The following ESS2 variants were observed in gnomAD, a reference collection of about 807,000 sequenced individuals.
ESS2 encodes the protein splicing factor ESS-2 homolog.
Under a neutral mutation model 52.0 loss-of-function variants are expected in ESS2, and 31 were observed. The observed-to-expected ratio is 0.60, with a 90% CI of 0.45 to 0.81. The LOEUF is 0.81. ESS2 is among the 30% of genes least tolerant of loss of function. ESS2 has a pLI of 0.00. For missense variants in ESS2, 602 were observed against 637.2 expected, an observed-to-expected ratio of 0.94 and a Z score of 0.59; for synonymous variants, 285 against 259.2, an observed-to-expected ratio of 1.10 and a Z score of -0.95.
chr22:19,134,973 C>T (rs2083556455), intron 9 of ESS2, 87 bp downstream of exon 9: 1 of 1,299,152 alleles, frequency 7.7e-7, no homozygotes, highest in African/African-American at 1.4e-5. Flanking sequence ...CCGCGTGGGC[C>T]ATGCCTCCAC....
At position 19,142,855 on chromosome 22, in the gene ESS2, C is replaced by T; in HGVS notation, c.175G>A (p.Val59Met). 2 of 1,614,064 alleles carry T rather than the reference C, an allele frequency of 1.2e-6. No homozygotes were observed. Among genetic ancestry groups the T allele is most frequent in the South Asian group, 2.2e-5 (2 of 91,078 alleles). The change falls in exon 2 of 10, where the codon GTG (valine) becomes ATG (methionine). Residue 59 changes from valine (V) to methionine (M), a missense_variant. Transcript: ENST00000252137. Reference protein sequence around the residue: ...TVIQRDFFPDVEKLQAQKEYL... With the variant: ...TVIQRDFFPDMEKLQAQKEYL... ...TCCTTCTGTGCCTGGAGCTTCTCCACATCAGGAAAGAAATCCCTTTGGATG... is the reference window on the plus strand; with the variant it reads ...TCCTTCTGTGCCTGGAGCTTCTCCATATCAGGAAAGAAATCCCTTTGGATG...
chr22:19,132,675 C>A lies in ESS2; in HGVS notation c.*1521G>T. The A allele has an allele frequency of 1.6e-6, 1 of 606,840 alleles. No individual in the cohort carries two copies. Among genetic ancestry groups the A allele is most frequent in the Non-Finnish European group, 2.9e-6 (1 of 344,612 alleles). 37.6% of individuals were successfully genotyped at this position (606,840 alleles called of 1,614,324 possible). On this transcript the variant is annotated 3_prime_UTR_variant, in exon 10 of 10. Transcript: ENST00000252137. The surrounding 1 kb of genome is among the most constrained non-coding windows in gnomAD (Gnocchi z 4.2). ...AGCAAAGACGTTCCTTACTGACCACCAAATAAACCACAGGGTGTGTGCAAG... is the reference window on the plus strand; with the variant it reads ...AGCAAAGACGTTCCTTACTGACCACAAAATAAACCACAGGGTGTGTGCAAG...
intron 8 of ESS2, among the ~76,000 whole-genome samples, chr22:19,135,708 T>G (rs1354649318): frequency 6.6e-6 from 1 of 152,222 alleles, no homozygotes; most frequent in Non-Finnish European, 1.5e-5. Flanking sequence ...TTTGCTTTTA[T>G]GTTTAGAAAG....
rs62223875 is a variant in ESS2 at position 19,139,890 on chromosome 22, C to T, written c.535G>A (p.Ala179Thr). 869 of 1,614,056 alleles carry T rather than the reference C, an allele frequency of 5.4e-4. 1 individual carries two copies. Among genetic ancestry groups the T allele is most frequent in the Non-Finnish European group, 6.8e-4 (806 of 1,180,028 alleles). The change falls in exon 4 of 10, where the codon GCT becomes ACT. Residue 179 changes from alanine to threonine, a missense_variant. Transcript: ENST00000252137. ...VAKERSRARHAWLYQAEEEFE... is the reference protein window; with the variant it reads ...VAKERSRARHTWLYQAEEEFE... Reference sequence around the variant, plus strand: ...TCTTCCTCAGCCTGGTAGAGCCAAGCGTGGCGTGCCCGGCTTCTCTCCTTG... The same window carrying T: ...TCTTCCTCAGCCTGGTAGAGCCAAGTGTGGCGTGCCCGGCTTCTCTCCTTG...
intron 2 of ESS2, 44 bp from the exon 3 acceptor site, chr22:19,142,677 G>A (rs369566975): frequency 1.4e-4 from 225 of 1,609,380 alleles, no homozygotes; most frequent in Admixed American, 6.7e-5. Flanking sequence ...AGCCTGAAGC[G>A]ACAGTTCAGC....
Position 19,144,573 on chromosome 22 carries a change from C to G in ESS2, c.68G>C (p.Arg23Pro). 6.2e-7 allele frequency: 1 copy of G among 1,606,414 alleles called. No homozygotes were observed. The highest frequency in any genetic ancestry group is 8.5e-7 in the Non-Finnish European group (1 of 1,175,962). The change falls in exon 1 of 10, where the codon CGC becomes CCC. Residue 23 changes from arginine (R) to proline (P), a missense_variant. Arg to Pro is a moderately radical substitution (Grantham distance 103). Coordinates refer to ENST00000252137, the MANE Select transcript of ESS2 (RefSeq NM_022719.3). ...CGCAGCCCCAGCCTCTCCCGCCTCG[C>G]GCTTCCTCGGGGGCCTGGACGCGGC... ...LPAASRPPRK[R>P]EAGEAGAATS...
At chr22:19,143,315 T>TACTTCCCCA (rs1305479490) in intron 1 of ESS2, among the ~76,000 whole-genome samples, 1 of 152,112 alleles carries the variant, frequency 6.6e-6, no homozygotes, top group Non-Finnish European at 1.5e-5. Flanking sequence ...CTTCAAATTC[T>TACTTCCCCA]ACTTCCCCAA....
intron 3 of ESS2, 89 bp downstream of exon 3, chr22:19,142,449 A>G (rs964166333): frequency 5.2e-5 from 62 of 1,187,750 alleles, no homozygotes; most frequent in Non-Finnish European, 7.4e-5. Context: ...TGTGGCCTGC[A>G]GCCCTCTGGA....
chr22:19,135,644 T>C (rs1203103908), intron 8 of ESS2, among the ~76,000 whole-genome samples: 1 of 152,218 alleles, frequency 6.6e-6, no homozygotes, highest in Non-Finnish European at 1.5e-5. Context: ...TTTACATTTG[T>C]TTCATTTATA....
At chr22:19,134,697 G>A (rs2083550991) in intron 9 of ESS2, among the ~76,000 whole-genome samples, 1 of 152,158 alleles carries the variant, frequency 6.6e-6, no homozygotes, top group Non-Finnish European at 1.5e-5. Context: ...GCCCTTGGCT[G>A]TGGGGGCTGG....
In ESS2 at chr22:19,134,356, C is replaced by T. The variant is rs776531141; in HGVS notation, c.1271G>A (p.Arg424His). Residue 424 changes from arginine (R) to histidine (H), a missense_variant, in exon 10 of 10, where the codon CGC (arginine) becomes CAC (histidine). Coordinates refer to ENST00000252137, the MANE Select transcript of ESS2 (RefSeq NM_022719.3). ...LRASYTPSPA[R>H]STHLKTPASG... is the part of the protein sequence containing the mutation. ...GGCCGGGGTCTTGAGGTGGGTGGAGCGTGCTGGGGATGGTGTGTAGCTGGC... is the reference window on the plus strand; with the variant it reads ...GGCCGGGGTCTTGAGGTGGGTGGAGTGTGCTGGGGATGGTGTGTAGCTGGC... The T allele has an allele frequency of 2.6e-5, 42 of 1,611,694 alleles. No homozygotes were observed. Among genetic ancestry groups the T allele is most frequent in the Middle Eastern group, 1.7e-4 (1 of 6,058 alleles).
intron 7 of ESS2, 149 bp from the exon 8 acceptor site, chr22:19,137,581 G>A: frequency 1.1e-6 from 1 of 940,868 alleles, no homozygotes; most frequent in Non-Finnish European, 1.5e-6. Context: ...CTGGAACCCT[G>A]GCACCTCCAT....
intron 7 of ESS2, 55 bp downstream of exon 7, chr22:19,138,160 C>T: frequency 6.2e-7 from 1 of 1,609,124 alleles, no homozygotes; most frequent in Non-Finnish European, 8.5e-7. Context: ...GAGAAGCCCA[C>T]CTCCCCCAGG....
chr22:19,142,562 G>A lies in ESS2; in HGVS notation c.376C>T (p.Pro126Ser), dbSNP rs1220996257. 1 of 1,612,000 alleles carries A rather than the reference G, an allele frequency of 6.2e-7. No individual in the cohort carries two copies. The highest frequency in any genetic ancestry group is 1.1e-5 in the South Asian group (1 of 90,804). ...GTGVVGNKPR[P>S]RGRGLEDGEA... ...CCATCCTCCAGGCCTCGGCCGCGGG[G>A]CCTGGGCTTGTTGCCCACCACTCCA... Residue 126 changes from proline (P) to serine (S), a missense_variant, in exon 3 of 10, where the codon CCC (proline) becomes TCC (serine). Coordinates refer to ENST00000252137, the MANE Select transcript of ESS2 (RefSeq NM_022719.3).
rs755889920 is a variant in ESS2 at position 19,131,751 on chromosome 22, C to T, written c.*2445G>A. 15 of 1,614,000 alleles carry T rather than the reference C, an allele frequency of 9.3e-6. No homozygotes were observed. The highest frequency in any genetic ancestry group is 1.7e-5 in the Admixed American group (1 of 60,006). On this transcript the variant is annotated 3_prime_UTR_variant, in exon 10 of 10. Coordinates refer to ENST00000252137, the MANE Select transcript of ESS2 (RefSeq NM_022719.3). The surrounding 1 kb of genome is among the most constrained non-coding windows in gnomAD (Gnocchi z 5.7). ...TGAGGACGTGGCACGCAAGATGTTCCGACAGCTCTCCTCCGCCGTCAAGTA... is the reference window on the plus strand; with the variant it reads ...TGAGGACGTGGCACGCAAGATGTTCTGACAGCTCTCCTCCGCCGTCAAGTA...
Position 19,134,377 on chromosome 22 carries a change from C to A in ESS2, c.1250G>T (p.Ser417Ile). Residue 417 changes from serine (S) to isoleucine (I), a missense_variant, in exon 10 of 10, where the codon AGC becomes ATC. Physicochemically the swap from Ser to Ile is moderately radical, Grantham distance 142. Transcript: ENST00000252137. ...GGAGCGTGCTGGGGATGGTGTGTAGCTGGCCCGCAGGGCCCGGTCTGTGTA... is the reference window on the plus strand; with the variant it reads ...GGAGCGTGCTGGGGATGGTGTGTAGATGGCCCGCAGGGCCCGGTCTGTGTA... ...SKYTDRALRA[S>I]YTPSPARSTH... 6.2e-7 allele frequency: 1 copy of A among 1,612,128 alleles called. No homozygotes were observed. The highest frequency in any genetic ancestry group is 8.5e-7 in the Non-Finnish European group (1 of 1,179,308).
chr22:19,133,700 T>A lies in ESS2; in HGVS notation c.*496A>T, dbSNP rs2083532308. 1 of 153,384 alleles carries A rather than the reference T, an allele frequency of 6.5e-6. No individual in the cohort carries two copies. The allele number at this position is 153,384 out of a possible 1,614,324, so 9.5% of individuals were successfully genotyped here. On this transcript the variant is annotated 3_prime_UTR_variant, in exon 10 of 10. Transcript: ENST00000252137. ...AACTTCCAAGGGCTCCGTTTCTCCT[T>A]CATATCCCCCCAGAGAAGCAGAAAG...
At position 19,142,572 on chromosome 22, in the gene ESS2, G is replaced by A. The variant is rs1225632744; in HGVS notation, c.366C>T (p.Asn122=). Residue 122 remains asparagine (N), a synonymous_variant, in exon 3 of 10, where the codon AAC becomes AAT. Transcript: ENST00000252137. Reference sequence around the variant, plus strand: ...GGCCTCGGCCGCGGGGCCTGGGCTTGTTGCCCACCACTCCAGTGCCTGCAT... The same window carrying A: ...GGCCTCGGCCGCGGGGCCTGGGCTTATTGCCCACCACTCCAGTGCCTGCAT... ...EVHAGTGVVG[N]KPRPRGRGLE... The A allele has an allele frequency of 1.2e-6, 2 of 1,613,088 alleles. No individual in the cohort carries two copies. The highest frequency in any genetic ancestry group is 1.7e-6 in the Non-Finnish European group (2 of 1,179,662).
rs993934527 is a variant in ESS2, at chr22:19,132,111, T to C, written c.*2085A>G. ...GGAGCACCGTGTGGACTTCCCGCGC[T>C]CCAAGAACCTGACCTGCGAGTGCAA... On this transcript the variant is annotated 3_prime_UTR_variant, in exon 10 of 10. Transcript: ENST00000252137. This position sits in a 1 kb window ranked among gnomAD's most constrained non-coding sequence, Gnocchi z 4.2. 2 of 1,612,504 alleles carry C rather than the reference T, an allele frequency of 1.2e-6. No homozygotes were observed. The highest frequency in any genetic ancestry group is 1.7e-6 in the Non-Finnish European group (2 of 1,178,874).
Sources: allele counts gnomAD v4.1 joint callset (sites outside exome capture counted in the v4.1 genomes callset), GRCh38; gene constraint gnomAD v4.1.1; non-coding constraint Gnocchi (gnomAD v3.1); transcripts MANE v1.5; gene names NCBI Gene and HGNC (gene_info 2026-07-23, HGNC 2026-07-21).